The following RGS5 variants were observed in gnomAD, a reference collection of about 807,000 sequenced individuals.
The protein encoded by RGS5 is regulator of G protein signaling 5.
A neutral mutation model predicts 18.9 loss-of-function variants in RGS5; 20 were observed. That is an observed-to-expected ratio of 1.06 (90% confidence interval 0.74 to 1.54). The LOEUF is 1.54. Ranked by LOEUF, RGS5 falls within the 40% of genes most tolerant of loss-of-function variation. The pLI, the probability that RGS5 is intolerant of heterozygous loss-of-function variation, is 0.00. For missense variants in RGS5, 201 were observed against 211.8 expected, an observed-to-expected ratio of 0.95 and a Z score of 0.32; for synonymous variants, 57 against 76.2, an observed-to-expected ratio of 0.75 and a Z score of 1.31.
intron 2 of RGS5, among the ~76,000 whole-genome samples, chr1:163,290,259 T>C (rs1448599997): frequency 6.6e-6 from 1 of 152,138 alleles, no homozygotes; most frequent in Non-Finnish European, 1.5e-5. Flanking sequence ...AGCTTTTCTC[T>C]TTTCTTTCGC....
intron 1 of RGS5, among the ~76,000 whole-genome samples, chr1:163,202,057 G>A (rs1659791369): frequency 6.6e-6 from 1 of 152,146 alleles, no homozygotes; most frequent in African/African-American, 2.4e-5. Flanking sequence ...CAACCAGGGA[G>A]CCTCAAAGAT....
rs190930306 is a variant in RGS5, at chr1:163,259,016, T to C, written c.-281+47217A>G. Among the ~76,000 whole-genome samples the C allele has an allele frequency of 3.5e-3, 526 of 151,998 alleles. 12 individuals are homozygous for C. Among genetic ancestry groups the C allele is most frequent in the Non-Finnish European group, 6.3e-4 (43 of 67,974 alleles). On this transcript the variant is annotated intron_variant, in intron 2 of 5. Coordinates refer to the RGS5 transcript ENST00000618415. The stretch of plus-strand genomic sequence containing the variant: ...AAGACATGTAAAATTACTAACATAA[T>C]GCTAGGCAAAGAGCCAAGGTGTTCC...
chr1:163,280,734 C>T (rs12126108), intron 2 of RGS5, among the ~76,000 whole-genome samples: 46,019 of 151,904 alleles, frequency 0.3, 7,022 homozygotes, highest in Non-Finnish European at 0.32. Context: ...AAGTAATCTA[C>T]ACATTCAATG....
chr1:163,154,218 T>G (rs1312067610), intron 3 of RGS5, among the ~76,000 whole-genome samples: 2 of 152,230 alleles, frequency 1.3e-5, no homozygotes, highest in Non-Finnish European at 2.9e-5. Flanking sequence ...TTATTAGTCA[T>G]TGCCAATACG....
chr1:163,227,539 T>C (rs956194857), intron 2 of RGS5, among the ~76,000 whole-genome samples: 1 of 152,076 alleles, frequency 6.6e-6, no homozygotes, highest in Admixed American at 6.6e-5. Flanking sequence ...CAATTAAAGG[T>C]GAAAATCGGG....
chr1:163,204,523 A>C (rs1215574445), upstream of RGS5, among the ~76,000 whole-genome samples: 1 of 152,032 alleles, frequency 6.6e-6, no homozygotes, highest in Non-Finnish European at 1.5e-5. Flanking sequence ...CTAGTTTTTA[A>C]ATTTTTTGAA....
rs1434625704 is a variant in RGS5, at chr1:163,276,498, G to C, written c.-281+29735C>G. On this transcript the variant is annotated intron_variant, in intron 2 of 5. Coordinates refer to the RGS5 transcript ENST00000618415. Reference sequence around the variant, plus strand: ...TCGTATATCTAATTGCTATAAGTCTGTAACTAAAACCAAGATTATAGTAGA... The same window carrying C: ...TCGTATATCTAATTGCTATAAGTCTCTAACTAAAACCAAGATTATAGTAGA... Among the ~76,000 whole-genome samples, 3 of 152,130 alleles carry C rather than the reference G, an allele frequency of 2.0e-5. No homozygotes were observed. The East Asian group carries it at 5.8e-4, about 29-fold the overall frequency.
chr1:163,152,814 T>C (rs1226025512), intron 3 of RGS5, 98 bp from the exon 4 acceptor site: 3 of 1,137,900 alleles, frequency 2.6e-6, no homozygotes, highest in East Asian at 4.9e-5. Flanking sequence ...AATACTCTTC[T>C]ATGCACAAAG....
chr1:163,181,758 A>T (rs897975118), intron 1 of RGS5, among the ~76,000 whole-genome samples: 1 of 152,016 alleles, frequency 6.6e-6, no homozygotes, highest in Non-Finnish European at 1.5e-5. Context: ...AGGTTATTTT[A>T]AATAACCTTA....
chr1:163,163,595 T>C (rs533407188), intron 2 of RGS5, among the ~76,000 whole-genome samples: 2 of 152,340 alleles, frequency 1.3e-5, no homozygotes, highest in East Asian at 3.9e-4. Context: ...TAACTCCTCT[T>C]GGCTCTTTTA....
At chr1:163,186,261 G>A (rs377160825) in intron 1 of RGS5, among the ~76,000 whole-genome samples, 106 of 151,868 alleles carry the variant, frequency 7.0e-4, no homozygotes, top group Middle Eastern at 3.4e-3. Flanking sequence ...AGTAGAGACG[G>A]GGTTTCACCA....
intron 1 of RGS5, among the ~76,000 whole-genome samples, chr1:163,169,724 T>C (rs1000447922): frequency 1.3e-5 from 2 of 152,206 alleles, no homozygotes; most frequent in Admixed American, 1.3e-4. Flanking sequence ...TGTAAAATGA[T>C]GACGTTATCC....
chr1:163,317,581 G>C (rs1173252767), intron 1 of RGS5, among the ~76,000 whole-genome samples: 1 of 152,026 alleles, frequency 6.6e-6, no homozygotes, highest in Non-Finnish European at 1.5e-5. Flanking sequence ...TCAGAGTAGC[G>C]ATTCATCATC....
chr1:163,152,972 A>T (rs1657436285), intron 3 of RGS5, among the ~76,000 whole-genome samples: 1 of 151,682 alleles, frequency 6.6e-6, no homozygotes, highest in Non-Finnish European at 1.5e-5. Flanking sequence ...CTAGACAGAG[A>T]TTTACCACAT....
intron 2 of RGS5, among the ~76,000 whole-genome samples, chr1:163,225,506 A>C (rs1367081285): frequency 6.6e-6 from 1 of 152,156 alleles, no homozygotes; most frequent in Non-Finnish European, 1.5e-5. Context: ...AGGGCTCTCT[A>C]ACCATGATTC....
intron 1 of RGS5, among the ~76,000 whole-genome samples, chr1:163,311,860 G>C (rs1649872722): frequency 6.6e-6 from 1 of 152,184 alleles, no homozygotes. Flanking sequence ...GTTAACAATG[G>C]CACTGACAGA....
chr1:163,213,110 C>A (rs1660141750), intron 1 of RGS5: 2 of 152,256 alleles, frequency 1.3e-5, no homozygotes, highest in South Asian at 4.1e-4. Context: ...TTTTGCTGTA[C>A]ATAGTTATTT....
At chr1:163,173,721 T>A (rs1172572491) in intron 1 of RGS5, among the ~76,000 whole-genome samples, 1 of 152,190 alleles carries the variant, frequency 6.6e-6, no homozygotes, top group Non-Finnish European at 1.5e-5. Context: ...AAAACACATA[T>A]ATGTAAACTG....
At chr1:163,227,049 G>C (rs184472296) in intron 2 of RGS5, among the ~76,000 whole-genome samples, 53 of 152,280 alleles carry the variant, frequency 3.5e-4, no homozygotes, top group African/African-American at 1.2e-3. Flanking sequence ...TCTTTCACTT[G>C]AGTTAATGAT....
Sources: gnomAD v4.1 joint callset for allele counts (sites outside exome capture counted in the v4.1 genomes callset) on GRCh38, gnomAD v4.1.1 for gene constraint, MANE v1.5 for transcripts, NCBI Gene and HGNC (gene_info 2026-07-23, HGNC 2026-07-21) for gene names.